The following MAP3K4 variants were observed in gnomAD, a reference collection of about 807,000 sequenced individuals.
MAP3K4 encodes MAP three kinase 1.
Under a neutral mutation model 185.6 loss-of-function variants are expected in MAP3K4, and 67 were observed. The observed-to-expected ratio is 0.36, with a 90% CI of 0.30 to 0.44. The LOEUF (loss-of-function observed/expected upper bound fraction) is 0.44, where lower values mean the gene tolerates loss of function less well. Ranked by LOEUF, MAP3K4 falls within the 20% of genes least tolerant of loss-of-function variation. The pLI is 1.00. For synonymous variants in MAP3K4, 702 were observed against 710.4 expected, an observed-to-expected ratio of 0.99 and a Z score of 0.19; for missense variants, 1,551 against 1,995.1, an observed-to-expected ratio of 0.78 and a Z score of 4.24.
Position 161,093,909 on chromosome 6 carries a change from C to T in MAP3K4, c.3427+58C>T. The T allele has an allele frequency of 7.9e-7, 1 of 1,263,844 alleles. No individual in the cohort carries two copies. The highest frequency in any genetic ancestry group is 1.1e-6 in the Non-Finnish European group (1 of 872,584). 78.3% of individuals were successfully genotyped at this position (1,263,844 alleles called of 1,614,324 possible). On this transcript the variant is annotated intron_variant, in intron 15 of 26. Transcript: ENST00000392142. The surrounding 1 kb of genome is among the most constrained non-coding windows in gnomAD (Gnocchi z 5.2). ...ACATAATGATTTGAGTGGACAGATC[C>T]TCTTGTAATTGCAGTCGTTTAAAAT...
intron 1 of MAP3K4, among the ~76,000 whole-genome samples, chr6:161,000,598 G>A (rs1247808359): frequency 1.3e-5 from 2 of 152,118 alleles, no homozygotes; most frequent in African/African-American, 4.8e-5. Flanking sequence ...TAGGTAATTT[G>A]TTGATCTTTC....
chr6:161,057,041 G>A (rs1326921247), intron 3 of MAP3K4, among the ~76,000 whole-genome samples: 1 of 152,158 alleles, frequency 6.6e-6, no homozygotes, highest in Non-Finnish European at 1.5e-5. Context: ...TGTACAAAAT[G>A]TATAATTGTC....
rs1391728754 is a variant in MAP3K4, at chr6:161,061,302, G to C, written c.1708-9306G>C. 6.6e-6 allele frequency among the ~76,000 whole-genome samples: 1 copy of C among 152,120 alleles called. No individual in the cohort carries two copies. Among genetic ancestry groups the C allele is most frequent in the Admixed American group, 6.5e-5 (1 of 15,284 alleles). On this transcript the variant is annotated intron_variant, in intron 3 of 26. Transcript: ENST00000392142. This position sits in a 1 kb window ranked among gnomAD's most constrained non-coding sequence, Gnocchi z 4.2. Reference sequence around the variant, plus strand: ...GGAAAACAGTTCAAGTTTTGTTTTTGACCATCCTTAGGTTATAACCCTCTG... The same window carrying C: ...GGAAAACAGTTCAAGTTTTGTTTTTCACCATCCTTAGGTTATAACCCTCTG...
chr6:161,018,829 A>G (rs1455639125), intron 1 of MAP3K4, among the ~76,000 whole-genome samples: 1 of 152,258 alleles, frequency 6.6e-6, no homozygotes, highest in African/African-American at 2.4e-5. Context: ...AAATGAAAAC[A>G]TGAATATTAG....
Position 161,067,356 on chromosome 6 carries a change from G to A in MAP3K4, c.1708-3252G>A, listed in dbSNP as rs760388640. ...TTTCTGATTAGCTTCCTTATGCATC[G>A]ATCTCAGTGAGCAGAGGGAACAGGA... On this transcript the variant is annotated intron_variant, in intron 3 of 26. Transcript: ENST00000392142. The surrounding 1 kb of genome is among the most constrained non-coding windows in gnomAD (Gnocchi z 6.3). The A allele has an allele frequency of 1.1e-5, 4 of 360,868 alleles. No homozygotes were observed. Among genetic ancestry groups the A allele is most frequent in the South Asian group, 6.6e-5 (3 of 45,382 alleles). 22.4% of individuals were successfully genotyped at this position (360,868 alleles called of 1,614,324 possible). A position where few individuals can be genotyped will look rare whatever the true frequency, so the allele number is the denominator to read the frequency against.
intron 19 of MAP3K4, among the ~76,000 whole-genome samples, chr6:161,104,790 CACT>C (rs1465421998): frequency 6.6e-6 from 1 of 151,702 alleles, no homozygotes; most frequent in Admixed American, 6.6e-5. Context: ...CCCATGGCCT[CACT>C]GCTGTCAAAA....
intron 1 of MAP3K4, among the ~76,000 whole-genome samples, chr6:161,000,682 C>T (rs1186337357): frequency 6.6e-6 from 1 of 151,790 alleles, no homozygotes; most frequent in African/African-American, 2.4e-5. Context: ...CTCATTTTCC[C>T]CTGATATATA....
At chr6:161,026,196 T>C (rs1782642880) in intron 1 of MAP3K4, among the ~76,000 whole-genome samples, 1 of 152,004 alleles carries the variant, frequency 6.6e-6, no homozygotes, top group African/African-American at 2.4e-5. Context: ...AGTGGCGCGA[T>C]CTCGGCTCAC....
At chr6:161,013,141 T>TA (rs1467038246) in intron 1 of MAP3K4, among the ~76,000 whole-genome samples, 1 of 152,228 alleles carries the variant, frequency 6.6e-6, no homozygotes, top group Non-Finnish European at 1.5e-5. Context: ...TATTAGTGCT[T>TA]ACCTTACTGT....
chr6:161,092,692 A>C (rs1158812345), intron 13 of MAP3K4, among the ~76,000 whole-genome samples: 1 of 152,120 alleles, frequency 6.6e-6, no homozygotes, highest in African/African-American at 2.4e-5. Flanking sequence ...CAAAACTCAT[A>C]AATACTTGTT....
intron 5 of MAP3K4, among the ~76,000 whole-genome samples, chr6:161,079,300 G>A (rs999647385): frequency 2.6e-5 from 4 of 151,510 alleles, no homozygotes; most frequent in Non-Finnish European, 4.4e-5. Context: ...AGAGTTGGCC[G>A]GACGCAGTGG....
intron 2 of MAP3K4, among the ~76,000 whole-genome samples, chr6:161,045,848 T>C (rs958623980): frequency 6.6e-5 from 10 of 152,192 alleles, no homozygotes; most frequent in Admixed American, 2.0e-4. Flanking sequence ...TCACAATTTT[T>C]TGTTTTCTTT....
chr6:161,024,597 G>A (rs1782553804), intron 1 of MAP3K4, among the ~76,000 whole-genome samples: 1 of 152,118 alleles, frequency 6.6e-6, no homozygotes, highest in South Asian at 2.1e-4. Context: ...TAGGTATTCT[G>A]TAGAAAGTCC....
Position 161,096,109 on chromosome 6 carries a change from A to G in MAP3K4, c.3428-971A>G, listed in dbSNP as rs143894794. 1.6e-4 allele frequency among the ~76,000 whole-genome samples: 24 copies of G among 152,242 alleles called. 1 individual carries two copies. In the East Asian group the frequency reaches 4.6e-3, roughly 29 times the overall value. ...GCTAGGATAATGAATCAGAGACACAAATTGCCTGAGGGTTTTTTGTTAACA... is the reference window on the plus strand; with the variant it reads ...GCTAGGATAATGAATCAGAGACACAGATTGCCTGAGGGTTTTTTGTTAACA... On this transcript the variant is annotated intron_variant, in intron 15 of 26. Transcript: ENST00000392142. This position sits in a 1 kb window ranked among gnomAD's most constrained non-coding sequence, Gnocchi z 4.9.
Position 161,098,197 on chromosome 6 carries a change from ATTTTAT to A in MAP3K4, c.3525-75_3525-70del. ...TAAATATATTTCACCCCCTTGCCATATTTTATTTTTAATTGAAAACAATTTTCAAGT... is the reference window on the plus strand; with the variant it reads ...TAAATATATTTCACCCCCTTGCCATATTTTAATTGAAAACAATTTTCAAGT... On this transcript the variant is annotated intron_variant, in intron 16 of 26. Transcript: ENST00000392142. The surrounding 1 kb of genome is among the most constrained non-coding windows in gnomAD (Gnocchi z 4.4). The A allele has an allele frequency of 7.0e-7, 1 of 1,427,908 alleles. No individual in the cohort carries two copies. The highest frequency in any genetic ancestry group is 9.4e-7 in the Non-Finnish European group (1 of 1,059,882). The allele number at this position is 1,427,908 out of a possible 1,614,324, so 88.5% of individuals were successfully genotyped here.
At chr6:161,005,287 T>G (rs1781532125) in intron 1 of MAP3K4, among the ~76,000 whole-genome samples, 1 of 151,922 alleles carries the variant, frequency 6.6e-6, no homozygotes, top group Non-Finnish European at 1.5e-5. Context: ...TATAGGCACA[T>G]GCCACCATGC....
chr6:161,113,678 T>C (rs1583253351), intron 25 of MAP3K4, among the ~76,000 whole-genome samples: 1 of 151,450 alleles, frequency 6.6e-6, no homozygotes, highest in South Asian at 2.1e-4. Context: ...CCAAAACTGC[T>C]CTAAAAAGAT....
intron 2 of MAP3K4, among the ~76,000 whole-genome samples, chr6:161,047,397 GA>G (rs970097945): frequency 6.6e-6 from 1 of 151,464 alleles, no homozygotes; most frequent in African/African-American, 2.4e-5. Flanking sequence ...GCCTGTCTCA[GA>G]AAAAAAGAAA....
At chr6:161,046,968 A>G (rs1783755081) in intron 2 of MAP3K4, among the ~76,000 whole-genome samples, 1 of 147,518 alleles carries the variant, frequency 6.8e-6, no homozygotes, top group South Asian at 2.1e-4. Flanking sequence ...TAAAATTCTT[A>G]GTATATAAGA....
Sources: allele counts gnomAD v4.1 joint callset (sites outside exome capture counted in the v4.1 genomes callset), GRCh38; gene constraint gnomAD v4.1.1; non-coding constraint Gnocchi (gnomAD v3.1); transcripts MANE v1.5; gene names NCBI Gene and HGNC (gene_info 2026-07-23, HGNC 2026-07-21).